Variants in TSHZ3 observed in about 807,000 individuals in gnomAD.
TSHZ3 encodes teashirt homolog 3.
In TSHZ3, 10 loss-of-function variants were observed where a neutral mutation model predicts 64.5. The ratio of observed to expected loss-of-function variants is 0.16; its 90% CI spans 0.10 to 0.26. TSHZ3 has a LOEUF of 0.26. Among genes scored for constraint, TSHZ3 ranks in the 10% least tolerant of loss-of-function variants. TSHZ3 has a pLI of 1.00. For missense variants in TSHZ3, 1,242 were observed against 1,421.7 expected, an observed-to-expected ratio of 0.87 and a Z score of 2.03; for synonymous variants, 608 against 593.1, an observed-to-expected ratio of 1.03 and a Z score of -0.36.
At chr19:31,237,767 T>A (rs10405834) in intron 3 of TSHZ3, among the ~76,000 whole-genome samples, 56,488 of 152,100 alleles carry the variant, frequency 0.37, 14,414 homozygotes, top group African/African-American at 0.72. Context: ...GCTTTAGCTG[T>A]ACACTGCACC....
chr19:31,304,515 A>G (rs1976807305), intron 1 of TSHZ3, among the ~76,000 whole-genome samples: 1 of 152,198 alleles, frequency 6.6e-6, no homozygotes, highest in Admixed American at 6.5e-5. Flanking sequence ...ACAACAACAA[A>G]AAATTAATCT....
intron 5 of TSHZ3, among the ~76,000 whole-genome samples, chr19:31,174,891 A>G (rs1974586447): frequency 6.6e-6 from 1 of 152,182 alleles, no homozygotes; most frequent in Non-Finnish European, 1.5e-5. Context: ...AATAAACAAA[A>G]ATCCATCTCT....
chr19:31,236,296 A>G (rs1026030767), intron 3 of TSHZ3, among the ~76,000 whole-genome samples: 1 of 152,136 alleles, frequency 6.6e-6, no homozygotes, highest in Admixed American at 6.5e-5. Flanking sequence ...CCTCATCAAC[A>G]TTTGTCATCT....
intron 6 of TSHZ3, among the ~76,000 whole-genome samples, chr19:31,154,177 G>A (rs1320637576): frequency 6.6e-6 from 1 of 152,168 alleles, no homozygotes; most frequent in East Asian, 1.9e-4. Flanking sequence ...GAGCTACCCA[G>A]CAGAGCCCCA....
intron 4 of TSHZ3, among the ~76,000 whole-genome samples, chr19:31,219,644 A>C (rs1374030040): frequency 6.6e-6 from 1 of 151,904 alleles, no homozygotes; most frequent in Admixed American, 6.6e-5. Flanking sequence ...TTAATTTTTT[A>C]AAGAAGAAAA....
intron 5 of TSHZ3, among the ~76,000 whole-genome samples, chr19:31,203,092 T>G (rs1187682046): frequency 2.0e-5 from 3 of 149,194 alleles, no homozygotes; most frequent in Non-Finnish European, 3.0e-5. Flanking sequence ...AAGAGAAGTA[T>G]GTTTGGAGGA....
rs144773536 is a variant in TSHZ3, at chr19:31,276,808, T to C, written c.2985A>G (p.Leu995=). Residue 995 remains leucine (L), a synonymous_variant, in exon 2 of 2, where the codon CTA becomes CTG. Transcript: ENST00000240587. The part of the protein sequence containing the change: ...IRTPSTYISH[L]ESHLGFRLRD... ...GTAGCCGGAAGCCTAAGTGTGACTCTAGGTGACTGATGTACGTGGAAGGAG... is the reference window on the plus strand; with the variant it reads ...GTAGCCGGAAGCCTAAGTGTGACTCCAGGTGACTGATGTACGTGGAAGGAG... 2 of 1,614,118 alleles carry C rather than the reference T, an allele frequency of 1.2e-6. No individual in the cohort carries two copies. Among genetic ancestry groups the C allele is most frequent in the Non-Finnish European group, 1.7e-6 (2 of 1,180,056 alleles).
chr19:31,322,956 T>A (rs952719529), intron 1 of TSHZ3, among the ~76,000 whole-genome samples: 1 of 152,228 alleles, frequency 6.6e-6, no homozygotes, highest in African/African-American at 2.4e-5. Flanking sequence ...TAAAGGCATA[T>A]AGAAGAAAGC....
intron 6 of TSHZ3, among the ~76,000 whole-genome samples, chr19:31,156,288 A>C (rs1974304980): frequency 6.6e-6 from 1 of 152,236 alleles, no homozygotes; most frequent in Non-Finnish European, 1.5e-5. Context: ...AACTGAAAGA[A>C]CAGTTAGGAG....
intron 1 of TSHZ3, among the ~76,000 whole-genome samples, chr19:31,339,818 T>A (rs908349549): frequency 6.6e-6 from 1 of 151,492 alleles, no homozygotes; most frequent in Non-Finnish European, 1.5e-5. Flanking sequence ...GGGGGGGCGT[T>A]CTGCTGCTGA....
chr19:31,205,640 T>C (rs991320664), intron 4 of TSHZ3, among the ~76,000 whole-genome samples: 5 of 152,204 alleles, frequency 3.3e-5, no homozygotes, highest in Non-Finnish European at 7.3e-5. Flanking sequence ...CTGCCATTTG[T>C]TTCCAGTCCT....
chr19:31,339,019 A>C (rs545076295), intron 1 of TSHZ3, among the ~76,000 whole-genome samples: 2 of 152,118 alleles, frequency 1.3e-5, no homozygotes, highest in Admixed American at 6.5e-5. Context: ...AATAATATTC[A>C]AAATGATAAA....
At chr19:31,281,678 C>T (rs1368111532) in intron 1 of TSHZ3, among the ~76,000 whole-genome samples, 1 of 152,182 alleles carries the variant, frequency 6.6e-6, no homozygotes, top group Non-Finnish European at 1.5e-5. Context: ...CGGCGCTGGC[C>T]AATGGAGGCT....
At chr19:31,240,700 AT>A (rs202187368) in intron 3 of TSHZ3, among the ~76,000 whole-genome samples, 2,658 of 152,068 alleles carry the variant, frequency 0.017, 75 homozygotes, top group African/African-American at 0.061. Flanking sequence ...GGTTCTGTTT[AT>A]TTTTTTTAAT....
At chr19:31,262,199 C>T (rs1268078559) in intron 1 of TSHZ3, among the ~76,000 whole-genome samples, 1 of 152,168 alleles carries the variant, frequency 6.6e-6, no homozygotes, top group Non-Finnish European at 1.5e-5. Context: ...TTTAGCTTTA[C>T]CCGTGTTGCC....
At chr19:31,314,551 A>C (rs1916552512) in intron 1 of TSHZ3, among the ~76,000 whole-genome samples, 1 of 152,206 alleles carries the variant, frequency 6.6e-6, no homozygotes. Context: ...CCCTTGTGAT[A>C]CTACATTCTT....
chr19:31,153,794 T>C (rs1974269453), intron 6 of TSHZ3, among the ~76,000 whole-genome samples: 1 of 152,226 alleles, frequency 6.6e-6, no homozygotes, highest in Non-Finnish European at 1.5e-5. Context: ...TGTTAGGTAA[T>C]TTTCCCTCCC....
chr19:31,174,218 G>C (rs1383682486), intron 5 of TSHZ3, among the ~76,000 whole-genome samples: 1 of 152,228 alleles, frequency 6.6e-6, no homozygotes, highest in African/African-American at 2.4e-5. Context: ...GACCAGGAGA[G>C]CTAAGTGTAC....
rs1411038476 is a variant in TSHZ3, at chr19:31,279,935, A to T, written c.41-183T>A. ...GTATTTGTAAAATTAAACAGTTAAA[A>T]TGTGGTGTTTCTTTGGAGCAAAAAA... is the stretch of plus-strand genomic sequence containing the variant. On this transcript the variant is annotated intron_variant, in intron 1 of 1. Transcript: ENST00000240587. This position sits in a 1 kb window ranked among gnomAD's most constrained non-coding sequence, Gnocchi z 6.4. 6.9e-6 allele frequency among the ~76,000 whole-genome samples: 1 copy of T among 145,684 alleles called. No homozygotes were observed. The highest frequency in any genetic ancestry group is 1.5e-5 in the Non-Finnish European group (1 of 66,968).
Sources: allele counts gnomAD v4.1 joint callset (sites outside exome capture counted in the v4.1 genomes callset), GRCh38; gene constraint gnomAD v4.1.1; non-coding constraint Gnocchi (gnomAD v3.1); transcripts MANE v1.5; gene names NCBI Gene and HGNC (gene_info 2026-07-23, HGNC 2026-07-21).